Variants in MATR3 observed in about 807,000 individuals in gnomAD.
The protein encoded by MATR3 is matrin 3.
In MATR3, 4 loss-of-function variants were observed where a neutral mutation model predicts 85.5. The observed-to-expected ratio is 0.05, with a 90% CI of 0.02 to 0.11. The LOEUF (loss-of-function observed/expected upper bound fraction) is 0.11. Ranked by LOEUF, MATR3 falls within the 10% of genes least tolerant of loss-of-function variation. The pLI is 1.00. For missense variants in MATR3, 685 were observed against 1,016.1 expected (o/e 0.67, Z 4.43); for synonymous variants, 336 against 343.1 (o/e 0.98, Z 0.23).
At chr5:139,293,262 A>G (rs374573324), upstream of MATR3, 1 of 152,264 alleles carries the variant, frequency 6.6e-6, no homozygotes, top group East Asian at 1.9e-4. Flanking sequence ...TATGATAAAT[A>G]AATAAACATA....
intron 1 of MATR3, among the ~76,000 whole-genome samples, chr5:139,302,205 T>C (rs1754481606): frequency 6.6e-6 from 1 of 151,926 alleles, no homozygotes; most frequent in Non-Finnish European, 1.5e-5. Context: ...TCAGGTAATC[T>C]GCCCGCCTCG....
chr5:139,311,408 A>C (rs1466082247), intron 2 of MATR3: 1 of 152,102 alleles, frequency 6.6e-6, no homozygotes. Flanking sequence ...AAACTCTTTC[A>C]CTTAGTCCCC....
chr5:139,304,737 G>A (rs1198123600), intron 1 of MATR3, among the ~76,000 whole-genome samples: 5 of 152,132 alleles, frequency 3.3e-5, no homozygotes, highest in Non-Finnish European at 4.4e-5. Flanking sequence ...TTAACCTCTA[G>A]TGCAGTTTCC....
At chr5:139,291,399 C>T (rs1263594818), upstream of MATR3, among the ~76,000 whole-genome samples, 2 of 152,212 alleles carry the variant, frequency 1.3e-5, no homozygotes, top group Non-Finnish European at 2.9e-5. Context: ...TTGGCTGAGG[C>T]CTAATATATT....
chr5:139,326,507 A>G (rs763563372), intron 14 of MATR3, among the ~76,000 whole-genome samples: 2 of 149,452 alleles, frequency 1.3e-5, no homozygotes, highest in East Asian at 3.9e-4. Flanking sequence ...TGCAACCTCT[A>G]CCTCCTGGGT....
intron 1 of MATR3, among the ~76,000 whole-genome samples, chr5:139,275,155 T>A (rs1753224615): frequency 8.1e-6 from 1 of 124,146 alleles, no homozygotes; most frequent in African/African-American, 3.0e-5. Context: ...TTTTTTTTTT[T>A]TTTTTTTTTT....
intron 1 of MATR3, among the ~76,000 whole-genome samples, chr5:139,296,569 G>A (rs1754165722): frequency 1.3e-5 from 2 of 152,138 alleles, no homozygotes; most frequent in South Asian, 2.1e-4. Flanking sequence ...ATTTTTAAGC[G>A]AAATTGGCAT....
upstream of MATR3, chr5:139,292,149 A>G (rs1470609016): frequency 6.6e-6 from 1 of 151,326 alleles, no homozygotes; most frequent in East Asian, 2.0e-4. Flanking sequence ...TTTAGTAGAG[A>G]CGGTGTTTCG....
intron 1 of MATR3, among the ~76,000 whole-genome samples, chr5:139,304,521 T>G (rs1754612985): frequency 1.3e-5 from 2 of 151,830 alleles, no homozygotes; most frequent in Non-Finnish European, 2.9e-5. Context: ...AAAAAGAATT[T>G]GGTTATCAAG....
chr5:139,305,841 A>C (rs1200178649), intron 1 of MATR3, among the ~76,000 whole-genome samples: 1 of 152,158 alleles, frequency 6.6e-6, no homozygotes, highest in Non-Finnish European at 1.5e-5. Context: ...CTATTTTTTA[A>C]AATCCAGTCT....
chr5:139,317,410 G>A (rs180972156), intron 6 of MATR3, among the ~76,000 whole-genome samples, 186 bp from the exon 7 acceptor site: 1 of 152,272 alleles, frequency 6.6e-6, no homozygotes, highest in Non-Finnish European at 1.5e-5. Flanking sequence ...TAACCGTTTG[G>A]TTATGGTCAG....
At chr5:139,308,998 C>G (rs907321502) in intron 2 of MATR3, among the ~76,000 whole-genome samples, 1 of 152,132 alleles carries the variant, frequency 6.6e-6, no homozygotes, top group Non-Finnish European at 1.5e-5. Context: ...CCTTTAGAGA[C>G]TTGGACAAAT....
At chr5:139,328,546 A>G (rs1043356404) in intron 14 of MATR3, among the ~76,000 whole-genome samples, 1 of 152,152 alleles carries the variant, frequency 6.6e-6, no homozygotes, top group African/African-American at 2.4e-5. Flanking sequence ...GTAAGGTTTT[A>G]TTAGAACCCA....
At position 139,304,499 on chromosome 5, in the gene MATR3, T is replaced by C. The variant is rs116314962; in HGVS notation, c.-177-2740T>C. Reference sequence around the variant, plus strand: ...TGGGCATCAAGAGTGAAACTCCATCTGAAAAAAAAAAAAAAAGAATTTGGT... The same window carrying C: ...TGGGCATCAAGAGTGAAACTCCATCCGAAAAAAAAAAAAAAAGAATTTGGT... On this transcript the variant is annotated intron_variant, in intron 1 of 14. Coordinates refer to ENST00000394805, the MANE Select transcript of MATR3 (RefSeq NM_018834.6). Among the ~76,000 whole-genome samples the C allele has an allele frequency of 4.4e-3, 626 of 142,626 alleles. 6 individuals are homozygous for C. Among genetic ancestry groups the C allele is most frequent in the African/African-American group, 0.016 (593 of 37,310 alleles). The allele number at this position is 142,626 out of a possible 152,430, so 93.6% of individuals were successfully genotyped here. A position where few individuals can be genotyped will look rare whatever the true frequency, so the allele number is the denominator to read the frequency against.
intron 3 of MATR3, chr5:139,283,162 T>G (rs1451914113): frequency 6.6e-6 from 1 of 152,278 alleles, no homozygotes; most frequent in Non-Finnish European, 1.5e-5. Context: ...GATTTTGTTA[T>G]CAGCTGCTAA....
intron 2 of MATR3, chr5:139,312,140 G>A (rs12186596): frequency 0.48 from 72,480 of 151,942 alleles, 21,357 homozygotes; most frequent in Non-Finnish European, 0.66. Context: ...ATTTTATTTT[G>A]TTTTATGTTT....
chr5:139,302,000 A>G (rs923243189), intron 1 of MATR3, among the ~76,000 whole-genome samples: 10 of 152,250 alleles, frequency 6.6e-5, no homozygotes, highest in African/African-American at 1.2e-4. Context: ...CACGTCTGTT[A>G]GATGGATTAA....
In MATR3 at chr5:139,307,565, A is replaced by T. The variant is rs778481044; in HGVS notation, c.150A>T (p.Ala50=). ...TTGGAAGGATGAACCAGGGTACTGC[A>T]CGCCTTGCTAGTTTAATGAATCTTG... ...ASLGRMNQGT[A]RLASLMNLGM... is the part of the protein sequence containing the mutation. Residue 50 remains alanine (A), a synonymous_variant, in exon 2 of 15, where the codon GCA becomes GCT. Transcript: ENST00000394805. The surrounding 1 kb of genome is among the most constrained non-coding windows in gnomAD (Gnocchi z 4.4). The T allele has an allele frequency of 1.2e-6, 2 of 1,614,116 alleles. No individual in the cohort carries two copies. The highest frequency in any genetic ancestry group is 2.2e-5 in the South Asian group (2 of 91,086).
In MATR3 at chr5:139,293,776, C is replaced by T. The variant is rs914144929; in HGVS notation, c.-207C>T. 14 of 394,070 alleles carry T rather than the reference C, an allele frequency of 3.6e-5. No homozygotes were observed. In the South Asian group the frequency reaches 6.9e-4, roughly 19 times the overall value. The allele number at this position is 394,070 out of a possible 1,614,324, so 24.4% of individuals were successfully genotyped here. Reference sequence around the variant, plus strand: ...CGTCCCGCTCGCTGGGAGAGAGGTACCTCTCCTTTTCCCTCTCCCTTTCCC... The same window carrying T: ...CGTCCCGCTCGCTGGGAGAGAGGTATCTCTCCTTTTCCCTCTCCCTTTCCC... On this transcript the variant is annotated 5_prime_UTR_variant, in exon 1 of 15. Coordinates refer to ENST00000394805, the MANE Select transcript of MATR3 (RefSeq NM_018834.6).
Sources: gnomAD v4.1 joint callset for allele counts (sites outside exome capture counted in the v4.1 genomes callset) on GRCh38, gnomAD v4.1.1 for gene constraint, Gnocchi (gnomAD v3.1) non-coding constraint, MANE v1.5 for transcripts, NCBI Gene and HGNC (gene_info 2026-07-23, HGNC 2026-07-21) for gene names.